QTRT2: variants seen among roughly 807,000 people sequenced by gnomAD.
QTRT2 encodes queuine tRNA-ribosyltransferase accessory subunit 2, also known as queuine tRNA-ribosyltransferase domain containing 1.
A neutral mutation model predicts 44.8 loss-of-function variants in QTRT2; 32 were observed. The observed-to-expected ratio is 0.71, with a 90% confidence interval of 0.54 to 0.96. QTRT2 has a LOEUF of 0.96. QTRT2 is among the 40% of genes least tolerant of loss of function. QTRT2 has a pLI of 0.00. For synonymous variants in QTRT2, 182 were observed against 187.4 expected, an observed-to-expected ratio of 0.97 and a Z score of 0.24; for missense variants, 461 against 503.1, an observed-to-expected ratio of 0.92 and a Z score of 0.80.
rs2077236111 is a variant in QTRT2 at position 114,086,265 on chromosome 3, G to A, written c.*361G>A. The A allele has an allele frequency of 3.5e-6, 1 of 288,280 alleles. No homozygotes were observed. Among genetic ancestry groups the A allele is most frequent in the South Asian group, 3.7e-5 (1 of 27,130 alleles). 17.9% of individuals were successfully genotyped at this position (288,280 alleles called of 1,614,324 possible). A position where few individuals can be genotyped will look rare whatever the true frequency, so the allele number is the denominator to read the frequency against. ...CCATGAATTGGATTGAGGCTTGAGG[G>A]GAAATGGTGTGAGACGAATGGGCTC... On this transcript the variant is annotated 3_prime_UTR_variant, in exon 10 of 10. Transcript: ENST00000281273.
intron 2 of QTRT2, among the ~76,000 whole-genome samples, chr3:114,064,754 G>A (rs2076930439): frequency 6.6e-6 from 1 of 152,102 alleles, no homozygotes; most frequent in Non-Finnish European, 1.5e-5. Flanking sequence ...ACACCAGGAT[G>A]CTCTTTTCTT....
intron 6 of QTRT2, among the ~76,000 whole-genome samples, chr3:114,073,528 C>T (rs778035745): frequency 2.0e-5 from 3 of 152,214 alleles, no homozygotes; most frequent in South Asian, 2.1e-4. Flanking sequence ...TACAGGCACA[C>T]GCCACCACAC....
At chr3:114,082,207 CACACA>C (rs2077175390) in intron 8 of QTRT2, among the ~76,000 whole-genome samples, 3 of 3,396 alleles carry the variant, frequency 8.8e-4, no homozygotes, top group Non-Finnish European at 3.0e-3. Flanking sequence ...AACCCCACCA[CACACA>C]CACACACACA....
rs144706221 is a variant in QTRT2, at chr3:114,059,854, T to C, written c.-22+2748T>C. Among the ~76,000 whole-genome samples the C allele has an allele frequency of 4.9e-3, 751 of 152,348 alleles. 8 individuals are homozygous for C. Among genetic ancestry groups the C allele is most frequent in the African/African-American group, 0.017 (710 of 41,576 alleles). On this transcript the variant is annotated intron_variant, in intron 2 of 9. Transcript: ENST00000281273. Reference sequence around the variant, plus strand: ...AAGCCCCAAACAACAGAAGTGAGTATGTAGCACCAAAATCGTTCACTGTAG... The same window carrying C: ...AAGCCCCAAACAACAGAAGTGAGTACGTAGCACCAAAATCGTTCACTGTAG...
At chr3:114,084,531 A>G (rs1282709912) in intron 9 of QTRT2, among the ~76,000 whole-genome samples, 1 of 152,048 alleles carries the variant, frequency 6.6e-6, no homozygotes, top group Non-Finnish European at 1.5e-5. Context: ...GCAGTGTGCT[A>G]TGATTGTGCC....
chr3:114,068,220 T>TA (rs2076979859), intron 5 of QTRT2, 157 bp downstream of exon 5: 1 of 623,112 alleles, frequency 1.6e-6, no homozygotes, highest in Admixed American at 2.5e-5. Context: ...TTATAAGACT[T>TA]AGAGTAGGGC....
At position 114,057,081 on chromosome 3, in the gene QTRT2, C is replaced by A; in HGVS notation, c.-47C>A. 2.9e-6 allele frequency: 4 copies of A among 1,370,020 alleles called. No individual in the cohort carries two copies. Among genetic ancestry groups the A allele is most frequent in the Non-Finnish European group, 3.8e-6 (4 of 1,065,010 alleles). The allele number at this position is 1,370,020 out of a possible 1,614,324, so 84.9% of individuals were successfully genotyped here. A position where few individuals can be genotyped will look rare whatever the true frequency, so the allele number is the denominator to read the frequency against. Reference sequence around the variant, plus strand: ...GCCGACACCTCTGAGATAAAAGGGCCCCTTTCGACTAGCCTCTGCTGAAAG... The same window carrying A: ...GCCGACACCTCTGAGATAAAAGGGCACCTTTCGACTAGCCTCTGCTGAAAG... On this transcript the variant is annotated 5_prime_UTR_variant, in exon 2 of 10. Coordinates refer to ENST00000281273, the MANE Select transcript of QTRT2 (RefSeq NM_024638.4).
Position 114,068,038 on chromosome 3 carries a change from G to C in QTRT2, c.308G>C (p.Cys103Ser). 1 of 1,613,826 alleles carries C rather than the reference G, an allele frequency of 6.2e-7. No individual in the cohort carries two copies. Among genetic ancestry groups the C allele is most frequent in the South Asian group, 1.1e-5 (1 of 91,066 alleles). The change falls in exon 5 of 10, where the codon TGC (cysteine) becomes TCC (serine). Residue 103 changes from cysteine to serine, a missense_variant. By Grantham distance (112) the Cys-to-Ser change is moderately radical. Coordinates refer to ENST00000281273, the MANE Select transcript of QTRT2 (RefSeq NM_024638.4). ...TCCCTGCACGATCCAGTCAGCCCCT[G>C]CCCGGCTGGTTATGTAACAAACAAG... Reference protein sequence around the residue: ...YCSLHDPVSPCPAGYVTNKSV... With the variant: ...YCSLHDPVSPSPAGYVTNKSV...
In QTRT2 at chr3:114,076,724, A is replaced by G. The variant is rs779160618; in HGVS notation, c.547-19A>G. 6.2e-7 allele frequency: 1 copy of G among 1,612,130 alleles called. No homozygotes were observed. Among genetic ancestry groups the G allele is most frequent in the Non-Finnish European group, 8.5e-7 (1 of 1,178,202 alleles). ...TCATACTGAAAATGGTTAAAAACAT[A>G]TCATCCTTCTTACCTCAGGTTCTTC... On this transcript the variant is annotated intron_variant, in intron 6 of 9. Transcript: ENST00000281273.
intron 2 of QTRT2, 69 bp from the exon 3 acceptor site, chr3:114,065,168 T>C: frequency 9.3e-7 from 1 of 1,069,602 alleles, no homozygotes; most frequent in South Asian, 1.4e-5. Flanking sequence ...AGATTTTTTT[T>C]TTTTGCAAAA....
intron 9 of QTRT2, among the ~76,000 whole-genome samples, chr3:114,084,904 A>T (rs1012185827): frequency 6.6e-6 from 1 of 152,236 alleles, no homozygotes; most frequent in African/African-American, 2.4e-5. Context: ...AGGTTAAATG[A>T]GACAGTGTAT....
intron 2 of QTRT2, among the ~76,000 whole-genome samples, chr3:114,059,478 ATTAC>A (rs1422182864): frequency 6.6e-6 from 1 of 152,242 alleles, no homozygotes; most frequent in Non-Finnish European, 1.5e-5. Context: ...GTACTATTTT[ATTAC>A]TTCATAGTAA....
chr3:114,071,757 C>T (rs2077027371), intron 6 of QTRT2, among the ~76,000 whole-genome samples: 1 of 152,156 alleles, frequency 6.6e-6, no homozygotes, highest in Non-Finnish European at 1.5e-5. Context: ...ATGTAATTAC[C>T]TTTGAATTCT....
chr3:114,073,599 T>G (rs1174902336), intron 6 of QTRT2, among the ~76,000 whole-genome samples: 1 of 152,152 alleles, frequency 6.6e-6, no homozygotes, highest in Non-Finnish European at 1.5e-5. Context: ...CAGGCTGGTC[T>G]TGAACCCCTG....
intron 7 of QTRT2, 97 bp downstream of exon 7, chr3:114,077,039 T>A: frequency 8.6e-7 from 1 of 1,164,064 alleles, no homozygotes; most frequent in Non-Finnish European, 1.2e-6. Flanking sequence ...TAGGCATGCC[T>A]TTGATGTTTT....
chr3:114,068,232 G>A, intron 5 of QTRT2, 169 bp downstream of exon 5: 1 of 572,166 alleles, frequency 1.7e-6, no homozygotes. Flanking sequence ...GAGTAGGGCT[G>A]CCTAAGGATG....
Position 114,065,270 on chromosome 3 carries a change from C to A in QTRT2, c.13C>A (p.Leu5Ile). 6.2e-7 allele frequency: 1 copy of A among 1,614,008 alleles called. No homozygotes were observed. Among genetic ancestry groups the A allele is most frequent in the Non-Finnish European group, 8.5e-7 (1 of 1,179,962 alleles). The change falls in exon 3 of 10, where the codon CTT becomes ATT. Residue 5 changes from leucine to isoleucine, a missense_variant. Physicochemically the swap from Leu to Ile is conservative, Grantham distance 5. Transcript: ENST00000281273. Reference protein sequence around the residue: MKLSLTKVVNGCRLG... With the variant: MKLSITKVVNGCRLG... Reference sequence around the variant, plus strand: ...AGAATCCCTTAGGATGAAGCTGAGTCTTACCAAGGTAGTTAATGGCTGTCG... The same window carrying A: ...AGAATCCCTTAGGATGAAGCTGAGTATTACCAAGGTAGTTAATGGCTGTCG...
chr3:114,068,922 G>A (rs530354740), intron 5 of QTRT2, among the ~76,000 whole-genome samples: 58 of 152,184 alleles, frequency 3.8e-4, no homozygotes, highest in Middle Eastern at 3.4e-3. Flanking sequence ...GGTGGCACAC[G>A]CCTATAATCC....
At chr3:114,081,381 A>AC (rs1033133578) in intron 8 of QTRT2, among the ~76,000 whole-genome samples, 1 of 152,038 alleles carries the variant, frequency 6.6e-6, no homozygotes, top group Non-Finnish European at 1.5e-5. Context: ...ATAGGGTCTC[A>AC]CTCTGTTGCC....
Sources: gnomAD v4.1 joint callset for allele counts (sites outside exome capture counted in the v4.1 genomes callset) on GRCh38, gnomAD v4.1.1 for gene constraint, MANE v1.5 for transcripts, NCBI Gene and HGNC (gene_info 2026-07-23, HGNC 2026-07-21) for gene names.